Variants in DSCAM observed in about 807,000 individuals in gnomAD.
DSCAM encodes DS cell adhesion molecule.
DSCAM carries 47 observed loss-of-function variants against 217.7 expected under a neutral mutation model. The ratio of observed to expected loss-of-function variants is 0.22; its 90% CI spans 0.17 to 0.28. DSCAM has a LOEUF of 0.28. DSCAM is among the 10% of genes least tolerant of loss of function. DSCAM has a pLI of 1.00. For synonymous variants in DSCAM, 1,056 were observed against 1,015.3 expected, an observed-to-expected ratio of 1.04 and a Z score of -0.76; for missense variants, 2,080 against 2,618.3, an observed-to-expected ratio of 0.79 and a Z score of 4.49.
chr21:40,215,225 CA>C (rs1162761613), intron 11 of DSCAM, among the ~76,000 whole-genome samples: 13 of 5,472 alleles, frequency 2.4e-3, no homozygotes, highest in Non-Finnish European at 3.8e-3. Flanking sequence ...GACTCCGTCT[CA>C]AAAAAAAAAA....
chr21:40,772,171 TG>T (rs2091451069), intron 1 of DSCAM, among the ~76,000 whole-genome samples: 1 of 152,200 alleles, frequency 6.6e-6, no homozygotes, highest in Admixed American at 6.5e-5. Context: ...GATTTGTTTC[TG>T]TTTTTTTCTT....
chr21:40,653,588 T>C (rs2090040246), intron 3 of DSCAM, among the ~76,000 whole-genome samples: 1 of 152,138 alleles, frequency 6.6e-6, no homozygotes, highest in South Asian at 2.1e-4. Flanking sequence ...CCTCTCTACT[T>C]GGTCTGCTGA....
In DSCAM at chr21:40,016,258, C is replaced by T. The variant is rs992741465; in HGVS notation, c.5687-2872G>A. On this transcript the variant is annotated intron_variant, in intron 32 of 32. Coordinates refer to ENST00000400454, the MANE Select transcript of DSCAM (RefSeq NM_001389.5). The surrounding 1 kb of genome is among the most constrained non-coding windows in gnomAD (Gnocchi z 4.3). Reference sequence around the variant, plus strand: ...AGGAAGGTGGCTTCAGAGTCAATGACAAGTGGGAGTGGTGACAGAGGAGAA... The same window carrying T: ...AGGAAGGTGGCTTCAGAGTCAATGATAAGTGGGAGTGGTGACAGAGGAGAA... Among the ~76,000 whole-genome samples the T allele has an allele frequency of 6.6e-6, 1 of 152,102 alleles. No individual in the cohort carries two copies. Among genetic ancestry groups the T allele is most frequent in the African/African-American group, 2.4e-5 (1 of 41,426 alleles).
At chr21:40,773,654 G>A (rs1201805226) in intron 1 of DSCAM, among the ~76,000 whole-genome samples, 1 of 152,218 alleles carries the variant, frequency 6.6e-6, no homozygotes, top group Non-Finnish European at 1.5e-5. Context: ...TACAAGCCAA[G>A]GTAAGTAAGC....
intron 3 of DSCAM, among the ~76,000 whole-genome samples, chr21:40,414,623 A>G (rs1371085217): frequency 1.3e-5 from 2 of 152,220 alleles, no homozygotes; most frequent in Non-Finnish European, 2.9e-5. Context: ...GCCTTACAAT[A>G]TTAAATGTAT....
chr21:40,775,119 C>T (rs963609769), intron 1 of DSCAM, among the ~76,000 whole-genome samples: 4 of 152,046 alleles, frequency 2.6e-5, no homozygotes, highest in African/African-American at 9.7e-5. Context: ...AGATTGAAAT[C>T]CCTAAAGACC....
chr21:40,337,493 G>GT (rs776233987), intron 8 of DSCAM, among the ~76,000 whole-genome samples: 113 of 152,040 alleles, frequency 7.4e-4, no homozygotes, highest in Non-Finnish European at 1.3e-3. Context: ...TCACCTTATT[G>GT]TTTTTTTCTG....
chr21:40,303,179 C>A (rs1358927783), intron 9 of DSCAM, among the ~76,000 whole-genome samples: 2 of 152,122 alleles, frequency 1.3e-5, no homozygotes, highest in Non-Finnish European at 2.9e-5. Flanking sequence ...ACGACACTGA[C>A]AATTAAACCT....
chr21:40,537,831 A>G (rs2076511308), intron 3 of DSCAM, among the ~76,000 whole-genome samples: 1 of 152,160 alleles, frequency 6.6e-6, no homozygotes, highest in African/African-American at 2.4e-5. Context: ...CAGAGCTGTA[A>G]GACAATACAT....
intron 20 of DSCAM, among the ~76,000 whole-genome samples, chr21:40,106,160 A>T (rs2089816984): frequency 1.3e-5 from 2 of 152,142 alleles, no homozygotes; most frequent in Admixed American, 1.3e-4. Flanking sequence ...GTGCAGGGGA[A>T]CTGCTCTTTA....
chr21:40,013,327 G>A lies in DSCAM; in HGVS notation c.5746C>T (p.Pro1916Ser), dbSNP rs2088096919. 1 of 1,608,198 alleles carries A rather than the reference G, an allele frequency of 6.2e-7. No homozygotes were observed. Among genetic ancestry groups the A allele is most frequent in the East Asian group, 2.2e-5 (1 of 44,712 alleles). ...AAGCTCAGGTCCCTGCTGGTGCCTG[G>A]ACCACCTCGGTTTAACAAAAAGTCC... Reference protein sequence around the residue: ...RMDFLLNRGGPGTSRDLSLGQ... With the variant: ...RMDFLLNRGGSGTSRDLSLGQ... Residue 1916 changes from proline (P) to serine (S), a missense_variant, in exon 33 of 33, where the codon CCA (proline) becomes TCA (serine). Physicochemically the swap from Pro to Ser is moderately conservative, Grantham distance 74. Transcript: ENST00000400454.
At chr21:40,388,428 C>T (rs1309447092) in intron 3 of DSCAM, among the ~76,000 whole-genome samples, 1 of 152,126 alleles carries the variant, frequency 6.6e-6, no homozygotes, top group East Asian at 1.9e-4. Context: ...TGAGGTAGGT[C>T]AGCGTGCTGT....
intron 3 of DSCAM, among the ~76,000 whole-genome samples, chr21:40,533,739 A>G (rs1297191445): frequency 8.7e-5 from 10 of 114,466 alleles, no homozygotes; most frequent in African/African-American, 3.4e-4. Flanking sequence ...CCATCTATCC[A>G]TCCATCCACC....
chr21:40,267,479 G>T (rs1011931467), intron 11 of DSCAM, among the ~76,000 whole-genome samples: 1 of 152,126 alleles, frequency 6.6e-6, no homozygotes, highest in Non-Finnish European at 1.5e-5. Flanking sequence ...TTAGGATGTT[G>T]TCCATTATCA....
At chr21:40,773,707 A>G (rs1018252725) in intron 1 of DSCAM, among the ~76,000 whole-genome samples, 1 of 152,220 alleles carries the variant, frequency 6.6e-6, no homozygotes, top group Non-Finnish European at 1.5e-5. Context: ...GATGCCATAG[A>G]AAGGCATTTG....
intron 1 of DSCAM, among the ~76,000 whole-genome samples, chr21:40,738,725 A>G (rs2091090441): frequency 6.6e-6 from 1 of 152,220 alleles, no homozygotes; most frequent in South Asian, 2.1e-4. Flanking sequence ...CGCATCTCAC[A>G]AATCATCGAG....
At chr21:40,117,906 A>G (rs2089990633) in intron 20 of DSCAM, among the ~76,000 whole-genome samples, 1 of 152,064 alleles carries the variant, frequency 6.6e-6, no homozygotes, top group Admixed American at 6.6e-5. Context: ...CATTTTTACC[A>G]AAGAGGATGG....
intron 32 of DSCAM, among the ~76,000 whole-genome samples, chr21:40,019,070 C>T (rs1052766621): frequency 9.9e-5 from 15 of 152,250 alleles, no homozygotes; most frequent in African/African-American, 3.6e-4. Flanking sequence ...CAGCGGTAAG[C>T]TCTGTTATTA....
chr21:40,189,667 T>G (rs1046167573), intron 11 of DSCAM, among the ~76,000 whole-genome samples: 1 of 152,196 alleles, frequency 6.6e-6, no homozygotes, highest in Admixed American at 6.5e-5. Flanking sequence ...GTTCTCATGA[T>G]AGTGAGTAAG....
Sources: gnomAD v4.1 joint callset for allele counts (sites outside exome capture counted in the v4.1 genomes callset) on GRCh38, gnomAD v4.1.1 for gene constraint, Gnocchi (gnomAD v3.1) non-coding constraint, MANE v1.5 for transcripts, NCBI Gene and HGNC (gene_info 2026-07-23, HGNC 2026-07-21) for gene names.